RCAN3: variants seen among roughly 807,000 people sequenced by gnomAD.
RCAN3 encodes regulator of calcineurin 3.
A neutral mutation model predicts 21.9 loss-of-function variants in RCAN3; 19 were observed. That is an observed-to-expected ratio of 0.87 (90% CI 0.61 to 1.27). The LOEUF is 1.27. RCAN3 is among the 50% of genes most tolerant of loss of function. RCAN3 has a pLI of 0.00. For synonymous variants in RCAN3, 114 were observed against 112.3 expected (o/e 1.01, Z -0.09); for missense variants, 240 against 300.1 (o/e 0.80, Z 1.48).
chr1:24,533,475 G>A (rs572944360), intron 4 of RCAN3, among the ~76,000 whole-genome samples: 1 of 152,270 alleles, frequency 6.6e-6, no homozygotes, highest in East Asian at 1.9e-4. Context: ...AAAGCAGGGA[G>A]AATCATATGC....
chr1:24,534,951 ATACTC>A (rs1356498762), intron 4 of RCAN3, 137 bp from the exon 5 acceptor site: 7 of 767,540 alleles, frequency 9.1e-6, no homozygotes, highest in Admixed American at 3.8e-5. Flanking sequence ...ACAAGATAAA[ATACTC>A]TAACATAGTA....
At position 24,536,972 on chromosome 1, in the gene RCAN3, A is replaced by T. The variant is rs537150399; in HGVS notation, c.*1695A>T. ...TATTGAATTCAGATCATCATTTGTC[A>T]TTTTAACCGACAACCACCCAATAAA... is the stretch of plus-strand genomic sequence containing the variant. On this transcript the variant is annotated 3_prime_UTR_variant, in exon 5 of 5. Transcript: ENST00000374395. 45 of 152,266 alleles carry T rather than the reference A, an allele frequency of 3.0e-4. No homozygotes were observed. The highest frequency in any genetic ancestry group is 1.0e-3 in the African/African-American group (43 of 41,544). The allele number at this position is 152,266 out of a possible 1,614,324, so 9.4% of individuals were successfully genotyped here.
In RCAN3 at chr1:24,525,440, G is replaced by A. The variant is rs764103654; in HGVS notation, c.196-5778G>A. Among the ~76,000 whole-genome samples the A allele has an allele frequency of 2.0e-5, 3 of 152,126 alleles. No individual in the cohort carries two copies. The highest frequency in any genetic ancestry group is 2.9e-5 in the Non-Finnish European group (2 of 68,010). On this transcript the variant is annotated intron_variant, in intron 2 of 4. Coordinates refer to ENST00000374395, the MANE Select transcript of RCAN3 (RefSeq NM_013441.4). The surrounding 1 kb of genome is among the most constrained non-coding windows in gnomAD (Gnocchi z 4.1). The stretch of plus-strand genomic sequence containing the variant: ...AAAAAGCCTCAGGCATTGGTTTTTA[G>A]GCTGCATTGTTTGTGTTATGCCTGT...
intron 1 of RCAN3, among the ~76,000 whole-genome samples, chr1:24,504,255 C>G (rs1473640802): frequency 1.3e-5 from 2 of 152,202 alleles, no homozygotes; most frequent in Non-Finnish European, 2.9e-5. Flanking sequence ...GGTGCAAACA[C>G]AGCTCACTGC....
chr1:24,525,835 A>G lies in RCAN3; in HGVS notation c.196-5383A>G, dbSNP rs540542934. The stretch of plus-strand genomic sequence containing the variant: ...ATCAGGGGCAGCCTCAGGAATCTAC[A>G]TGGGGATGTCTGTGGACTCACAGAA... On this transcript the variant is annotated intron_variant, in intron 2 of 4. Coordinates refer to ENST00000374395, the MANE Select transcript of RCAN3 (RefSeq NM_013441.4). This position sits in a 1 kb window ranked among gnomAD's most constrained non-coding sequence, Gnocchi z 4.1. Among the ~76,000 whole-genome samples, 152 of 152,192 alleles carry G rather than the reference A, an allele frequency of 1.0e-3. No homozygotes were observed. Among genetic ancestry groups the G allele is most frequent in the African/African-American group, 2.9e-3 (121 of 41,520 alleles).
At chr1:24,515,389 G>A (rs908778045) in intron 2 of RCAN3, among the ~76,000 whole-genome samples, 4 of 151,386 alleles carry the variant, frequency 2.6e-5, no homozygotes, top group African/African-American at 7.3e-5. Flanking sequence ...TTATTTTAAA[G>A]ATTCCTTTAG....
chr1:24,519,454 C>T (rs1648617257), intron 2 of RCAN3, among the ~76,000 whole-genome samples: 2 of 152,034 alleles, frequency 1.3e-5, no homozygotes, highest in South Asian at 4.2e-4. Flanking sequence ...TTTTTTCTGC[C>T]TTAGGTCTTG....
In RCAN3 at chr1:24,514,426, C is replaced by T. The variant is rs1279295677; in HGVS notation, c.54C>T (p.Ser18=). Residue 18 remains serine, a synonymous_variant, in exon 2 of 5, where the codon AGC becomes AGT. Transcript: ENST00000374395. ...ATGATAGCCAGTCAGATCTGTGTAGCACTGACCAAGAAGAGGAAGAAGAGA... is the reference window on the plus strand; with the variant it reads ...ATGATAGCCAGTCAGATCTGTGTAGTACTGACCAAGAAGAGGAAGAAGAGA... The part of the protein sequence containing the change: ...SWNDSQSDLC[S]TDQEEEEEMI... 1 of 1,614,072 alleles carries T rather than the reference C, an allele frequency of 6.2e-7. No individual in the cohort carries two copies. The highest frequency in any genetic ancestry group is 1.3e-5 in the African/African-American group (1 of 74,998).
rs571999692 is a variant in RCAN3, at chr1:24,535,285, G to C, written c.*8G>C. On this transcript the variant is annotated 3_prime_UTR_variant, in exon 5 of 5. Coordinates refer to ENST00000374395, the MANE Select transcript of RCAN3 (RefSeq NM_013441.4). ...TTTGATTGCGCGCTGTGAGGCCCTT[G>C]GTTGTGGTGCGAGGCGGCTGCCCTG... 1 of 1,526,130 alleles carries C rather than the reference G, an allele frequency of 6.6e-7. No individual in the cohort carries two copies. The highest frequency in any genetic ancestry group is 8.7e-7 in the Non-Finnish European group (1 of 1,144,248). The allele number at this position is 1,526,130 out of a possible 1,614,324, so 94.5% of individuals were successfully genotyped here.
intron 2 of RCAN3, among the ~76,000 whole-genome samples, chr1:24,526,196 A>G (rs1265995380): frequency 1.3e-5 from 2 of 152,076 alleles, no homozygotes; most frequent in East Asian, 1.9e-4. Context: ...GGTTCAAGCA[A>G]TCTTCCCACC....
At chr1:24,506,359 A>G (rs1647443160) in intron 1 of RCAN3, among the ~76,000 whole-genome samples, 1 of 152,342 alleles carries the variant, frequency 6.6e-6, no homozygotes, top group Middle Eastern at 3.4e-3. Flanking sequence ...TAGCTAAGAC[A>G]TTATTAGGAT....
chr1:24,524,308 C>T (rs953406735), intron 2 of RCAN3, among the ~76,000 whole-genome samples: 2 of 152,176 alleles, frequency 1.3e-5, no homozygotes, highest in Non-Finnish European at 2.9e-5. Context: ...TCTTGAATAG[C>T]TAGCATTCCA....
intron 2 of RCAN3, among the ~76,000 whole-genome samples, chr1:24,530,341 T>A (rs184034864): frequency 1.3e-3 from 141 of 107,164 alleles, no homozygotes; most frequent in African/African-American, 5.4e-3. Flanking sequence ...GGCAACAGAG[T>A]GAGACTCTTA....
intron 2 of RCAN3, among the ~76,000 whole-genome samples, chr1:24,527,425 C>T (rs1649367854): frequency 6.6e-6 from 1 of 152,156 alleles, no homozygotes; most frequent in Admixed American, 6.5e-5. Context: ...GAAGGTCTGA[C>T]ATAATATATT....
At position 24,514,968 on chromosome 1, in the gene RCAN3, C is replaced by CA. The variant is rs36023468; in HGVS notation, c.195+415dup. Among the ~76,000 whole-genome samples the CA allele has an allele frequency of 2.9e-3, 401 of 136,818 alleles. 2 individuals are homozygous for CA. The South Asian group carries it at 0.03, about 10-fold the overall frequency. 89.8% of individuals were successfully genotyped at this position (136,818 alleles called of 152,430 possible). A position where few individuals can be genotyped will look rare whatever the true frequency, so the allele number is the denominator to read the frequency against. ...TGGGGGACAGAGTGAGACTCTGTCTCAAAAAAAAAAAAAAGAAAGTGTATG... is the reference window on the plus strand; with the variant it reads ...TGGGGGACAGAGTGAGACTCTGTCTCAAAAAAAAAAAAAAAGAAAGTGTATG... On this transcript the variant is annotated intron_variant, in intron 2 of 4. Transcript: ENST00000374395.
Position 24,537,268 on chromosome 1 carries a change from A to ATTTT in RCAN3, c.*1998_*2001dup, listed in dbSNP as rs140283356. 6.7e-6 allele frequency: 1 copy of ATTTT among 149,064 alleles called. No homozygotes were observed. The highest frequency in any genetic ancestry group is 2.4e-5 in the African/African-American group (1 of 40,844). The allele number at this position is 149,064 out of a possible 1,614,324, so 9.2% of individuals were successfully genotyped here. On this transcript the variant is annotated 3_prime_UTR_variant, in exon 5 of 5. Coordinates refer to ENST00000374395, the MANE Select transcript of RCAN3 (RefSeq NM_013441.4). ...GCAGTGCAAATTACAGTGCTTTTCT[A>ATTTT]TTTTTTTTTTGAGAGCCTTGAATAA...
chr1:24,508,323 G>T (rs1188143124), intron 1 of RCAN3, among the ~76,000 whole-genome samples: 1 of 152,130 alleles, frequency 6.6e-6, no homozygotes, highest in Non-Finnish European at 1.5e-5. Context: ...TTCTGCTCTG[G>T]CTTCCCTCCC....
At chr1:24,510,780 A>T (rs1012467650) in intron 1 of RCAN3, among the ~76,000 whole-genome samples, 1 of 152,172 alleles carries the variant, frequency 6.6e-6, no homozygotes, top group Non-Finnish European at 1.5e-5. Context: ...CAAGAGACTT[A>T]GCTTTTGGCC....
At position 24,526,983 on chromosome 1, in the gene RCAN3, GAT is replaced by G. The variant is rs562001018; in HGVS notation, c.196-4232_196-4231del. 1.9e-4 allele frequency among the ~76,000 whole-genome samples: 29 copies of G among 152,154 alleles called. No individual in the cohort carries two copies. The South Asian group carries it at 5.6e-3, about 29-fold the overall frequency. On this transcript the variant is annotated intron_variant, in intron 2 of 4. Coordinates refer to ENST00000374395, the MANE Select transcript of RCAN3 (RefSeq NM_013441.4). Reference sequence around the variant, plus strand: ...ATATTCACCTTCCCTTTTAAGAACTGATATGCTACTTTAAAATCCTTACTATA... The same window carrying G: ...ATATTCACCTTCCCTTTTAAGAACTGATGCTACTTTAAAATCCTTACTATA...
Sources: gnomAD v4.1 joint callset for allele counts (sites outside exome capture counted in the v4.1 genomes callset) on GRCh38, gnomAD v4.1.1 for gene constraint, Gnocchi (gnomAD v3.1) non-coding constraint, MANE v1.5 for transcripts, NCBI Gene and HGNC (gene_info 2026-07-23, HGNC 2026-07-21) for gene names.